Variants in CSAD observed in about 807,000 individuals in gnomAD.
The protein encoded by CSAD is cysteine sulfinic acid decarboxylase.
Under a neutral mutation model 61.5 loss-of-function variants are expected in CSAD, and 47 were observed. That is an observed-to-expected ratio of 0.76 (90% CI 0.60 to 0.97). The LOEUF (loss-of-function observed/expected upper bound fraction) is 0.97, where lower values mean the gene tolerates loss of function less well. Ranked by LOEUF, CSAD falls within the 50% of genes least tolerant of loss-of-function variation. The pLI is 0.00. For synonymous variants in CSAD, 245 were observed against 252.7 expected (o/e 0.97, Z 0.29); for missense variants, 611 against 643.6 (o/e 0.95, Z 0.55).
chr12:53,175,922 T>C (rs1239004744), intron 2 of CSAD, among the ~76,000 whole-genome samples: 1 of 152,198 alleles, frequency 6.6e-6, no homozygotes, highest in African/African-American at 2.4e-5. Flanking sequence ...GGTGAACTAA[T>C]TGTCCAAAAT....
chr12:53,159,092 G>C (rs1319835091), intron 16 of CSAD, among the ~76,000 whole-genome samples: 1 of 152,180 alleles, frequency 6.6e-6, no homozygotes, highest in East Asian at 1.9e-4. Context: ...GATCTAGCAA[G>C]TAATTTACAA....
rs577991915 is a variant in CSAD, at chr12:53,159,946, CAG to C, written c.1167-10_1167-9del. The C allele has an allele frequency of 4.7e-4, 758 of 1,606,384 alleles. 8 individuals carry two copies. In the African/African-American group the frequency reaches 9.1e-3, roughly 19 times the overall value. ...ATTTCCTCCACCAGGTACCTGTGAA[CAG>C]AGAGTGAGAAACCATAGGCGGGGAG... On this transcript the variant is annotated splice_polypyrimidine_tract_variant and intron_variant, in intron 14 of 16. Transcript: ENST00000444623.
At chr12:53,161,081 C>T (rs779720279) in intron 12 of CSAD, 46 bp downstream of exon 12, 1 of 1,581,646 alleles carries the variant, frequency 6.3e-7, no homozygotes, top group Non-Finnish European at 8.7e-7. Flanking sequence ...TTCTCTGGAC[C>T]AATGGTTTGA....
rs942312664 is a variant in CSAD, at chr12:53,171,128, T to C, written c.567+198A>G. The stretch of plus-strand genomic sequence containing the variant: ...CTGTGTCCACTGCACTCACGGCCCC[T>C]CCTCTGCCCCCAAACAGAAGGCAAT... On this transcript the variant is annotated intron_variant, in intron 8 of 16. Transcript: ENST00000444623. 4 of 778,488 alleles carry C rather than the reference T, an allele frequency of 5.1e-6. No individual in the cohort carries two copies. The African/African-American group carries it at 6.8e-5, about 13-fold the overall frequency. The allele number at this position is 778,488 out of a possible 1,614,324, so 48.2% of individuals were successfully genotyped here.
intron 10 of CSAD, 67 bp from the exon 11 acceptor site, chr12:53,161,456 G>A (rs561043003): frequency 7.5e-7 from 1 of 1,334,742 alleles, no homozygotes; most frequent in African/African-American, 1.4e-5. Context: ...GCCTGATGCT[G>A]GGCCCAGCTC....
intron 10 of CSAD, among the ~76,000 whole-genome samples, chr12:53,167,988 A>G (rs958886741): frequency 1.3e-5 from 2 of 152,266 alleles, no homozygotes; most frequent in African/African-American, 4.8e-5. Context: ...ATGTCCATCA[A>G]CTGATGAATG....
intron 10 of CSAD, among the ~76,000 whole-genome samples, chr12:53,165,681 AG>A (rs1477209332): frequency 8.0e-5 from 12 of 150,348 alleles, no homozygotes; most frequent in South Asian, 6.3e-4. Context: ...AAAAAAAAAA[AG>A]AAGAAGAAGA....
At chr12:53,178,546 C>T (rs1245051734) in intron 2 of CSAD, among the ~76,000 whole-genome samples, 3 of 152,090 alleles carry the variant, frequency 2.0e-5, no homozygotes, top group Non-Finnish European at 4.4e-5. Flanking sequence ...AATCCCAGCA[C>T]TTTGGGAGGC....
intron 1 of CSAD, chr12:53,179,815 C>T (rs1347310329): frequency 6.2e-7 from 1 of 1,613,774 alleles, no homozygotes; most frequent in Non-Finnish European, 8.5e-7. Flanking sequence ...ACATCTCCTT[C>T]CATCAAGCGC....
rs932880621 is a variant in CSAD at position 53,160,747 on chromosome 12, G to A, written c.966+16C>T. 1.4e-5 allele frequency: 21 copies of A among 1,548,496 alleles called. No homozygotes were observed. The highest frequency in any genetic ancestry group is 1.7e-5 in the Non-Finnish European group (19 of 1,144,338). ...AGAGAGAGGTGGGGCTGGTGCAGGGGCAGGGGCAGACCCACCGAGGTATCC... is the reference window on the plus strand; with the variant it reads ...AGAGAGAGGTGGGGCTGGTGCAGGGACAGGGGCAGACCCACCGAGGTATCC... On this transcript the variant is annotated intron_variant, in intron 13 of 16. Coordinates refer to ENST00000444623, the MANE Select transcript of CSAD (RefSeq NM_001244705.2).
At chr12:53,179,715 G>GT (rs11401485) in intron 1 of CSAD, 320,073 of 1,166,162 alleles carry the variant, frequency 0.27, 25,093 homozygotes, top group African/African-American at 0.58. Context: ...TCATCATACA[G>GT]TTTTTTTTTT....
intron 15 of CSAD, 70 bp downstream of exon 15, chr12:53,159,817 T>G: frequency 6.5e-7 from 1 of 1,533,984 alleles, no homozygotes; most frequent in Non-Finnish European, 8.9e-7. Flanking sequence ...CACTAGGGCT[T>G]TAGTTGGGGC....
At chr12:53,179,678 A>T (rs1457353603) in intron 1 of CSAD, 1 of 1,132,548 alleles carries the variant, frequency 8.8e-7, no homozygotes, top group African/African-American at 1.6e-5. Context: ...TACAAAAAAA[A>T]AAAAGTTGAG....
At chr12:53,174,787 A>AT (rs1250086936) in intron 2 of CSAD, among the ~76,000 whole-genome samples, 1 of 152,122 alleles carries the variant, frequency 6.6e-6, no homozygotes, top group Non-Finnish European at 1.5e-5. Context: ...GTGGGACTCC[A>AT]TTTCAAAAAT....
At chr12:53,169,098 C>A (rs762375691) in intron 10 of CSAD, among the ~76,000 whole-genome samples, 1 of 151,866 alleles carries the variant, frequency 6.6e-6, no homozygotes, top group East Asian at 1.9e-4. Context: ...GAGAATCACT[C>A]GAACCCGGGA....
chr12:53,171,279 G>C, intron 8 of CSAD, 47 bp downstream of exon 8: 2 of 1,612,766 alleles, frequency 1.2e-6, no homozygotes, highest in African/African-American at 1.3e-5. Flanking sequence ...TAGCTGGCTG[G>C]AGATTAGAAT....
At chr12:53,169,435 C>T (rs570984806) in intron 10 of CSAD, among the ~76,000 whole-genome samples, 52 of 149,954 alleles carry the variant, frequency 3.5e-4, no homozygotes, top group South Asian at 2.3e-3. Context: ...GTCGAGATCA[C>T]GCCATTGCAC....
rs73309146 is a variant in CSAD, at chr12:53,173,451, A to T, written c.20T>A (p.Leu7His). MADSEA[L>H]PSLAGDPVAV... ...CACTGGGTCCCCAGCAAGGGAGGGG[A>T]GTGCTTCTGAGTCAGCCATCAGGAT... The change falls in exon 4 of 17, where the codon CTC (leucine) becomes CAC (histidine). Residue 7 changes from leucine (L) to histidine (H), a missense_variant. Leu to His is a moderately conservative substitution (Grantham distance 99, BLOSUM62 -3). Transcript: ENST00000444623. 8 of 1,614,130 alleles carry T rather than the reference A, an allele frequency of 5.0e-6. No individual in the cohort carries two copies. In the African/African-American group the frequency reaches 1.1e-4, roughly 22 times the overall value.
chr12:53,158,760 G>C (rs1267005360), intron 16 of CSAD, 76 bp from the exon 17 acceptor site: 28 of 1,415,934 alleles, frequency 2.0e-5, no homozygotes, highest in Non-Finnish European at 2.7e-5. Context: ...GTCCTGCCAG[G>C]CTTCCAGAGG....
Sources: gnomAD v4.1 joint callset for allele counts (sites outside exome capture counted in the v4.1 genomes callset) on GRCh38, gnomAD v4.1.1 for gene constraint, MANE v1.5 for transcripts, NCBI Gene and HGNC (gene_info 2026-07-23, HGNC 2026-07-21) for gene names.